Variants in ZBTB40 observed in about 807,000 individuals in gnomAD.
ZBTB40 encodes the protein zinc finger and BTB domain-containing protein 40.
Under a neutral mutation model 117.5 loss-of-function variants are expected in ZBTB40, and 60 were observed. That is an observed-to-expected ratio of 0.51 (90% confidence interval 0.41 to 0.63). The LOEUF (loss-of-function observed/expected upper bound fraction) is 0.63. Among genes scored for constraint, ZBTB40 ranks in the 30% least tolerant of loss-of-function variants. ZBTB40 has a pLI of 0.00. For missense variants in ZBTB40, 1,287 were observed against 1,498.5 expected (o/e 0.86, Z 2.33); for synonymous variants, 525 against 577.1 (o/e 0.91, Z 1.29).
chr1:22,526,880 G>C lies in ZBTB40; in HGVS notation c.*484G>C, dbSNP rs980640325. On this transcript the variant is annotated 3_prime_UTR_variant, in exon 18 of 18. Coordinates refer to ENST00000375647, the MANE Select transcript of ZBTB40 (RefSeq NM_014870.4). ...GAGGGGCACCAACAGACAATTCGGGGACCTTAGGCCCCTTCCTGAGGCACA... is the reference window on the plus strand; with the variant it reads ...GAGGGGCACCAACAGACAATTCGGGCACCTTAGGCCCCTTCCTGAGGCACA... The C allele has an allele frequency of 3.7e-6, 1 of 268,424 alleles. No homozygotes were observed. Among genetic ancestry groups the C allele is most frequent in the African/African-American group, 2.2e-5 (1 of 45,170 alleles). 16.6% of individuals were successfully genotyped at this position (268,424 alleles called of 1,614,324 possible).
chr1:22,491,235 G>T (rs1428448401), intron 2 of ZBTB40, among the ~76,000 whole-genome samples, 165 bp from the exon 3 acceptor site: 1 of 152,222 alleles, frequency 6.6e-6, no homozygotes, highest in Non-Finnish European at 1.5e-5. Context: ...CAGCACAAAG[G>T]AGGAAGCTGT....
At chr1:22,517,904 C>A (rs558222368) in intron 13 of ZBTB40, among the ~76,000 whole-genome samples, 117 of 152,344 alleles carry the variant, frequency 7.7e-4, no homozygotes, top group African/African-American at 2.7e-3. Flanking sequence ...AAAAACCTCC[C>A]GCCCAGCATT....
intron 1 of ZBTB40, among the ~76,000 whole-genome samples, chr1:22,445,558 G>C (rs1640777575): frequency 1.3e-5 from 2 of 152,034 alleles, no homozygotes; most frequent in Admixed American, 6.6e-5. Flanking sequence ...CATACCAAAA[G>C]GCAATAAACA....
intron 3 of ZBTB40, among the ~76,000 whole-genome samples, chr1:22,497,196 T>A (rs1557507321): frequency 6.6e-6 from 1 of 152,224 alleles, no homozygotes; most frequent in Admixed American, 6.5e-5. Flanking sequence ...TTTTCTACTA[T>A]TGATTTCTGT....
chr1:22,508,750 G>C lies in ZBTB40; in HGVS notation c.1699+19G>C, dbSNP rs1557515327. The C allele has an allele frequency of 6.2e-7, 1 of 1,609,124 alleles. No homozygotes were observed. The highest frequency in any genetic ancestry group is 1.1e-5 in the South Asian group (1 of 90,894). The stretch of plus-strand genomic sequence containing the variant: ...CGGGCAGGTAAGTTACCTGCCCTCT[G>C]GGGGGGTTTTGCCCCCACTAGAGAT... On this transcript the variant is annotated intron_variant, in intron 8 of 17. Transcript: ENST00000375647.
upstream of ZBTB40, among the ~76,000 whole-genome samples, chr1:22,450,898 C>G (rs1423222640): frequency 6.6e-6 from 1 of 152,010 alleles, no homozygotes; most frequent in Non-Finnish European, 1.5e-5. Context: ...GATTTGGGCA[C>G]GTAACTGTCA....
chr1:22,483,492 G>A (rs1638382874), intron 1 of ZBTB40, among the ~76,000 whole-genome samples: 1 of 152,168 alleles, frequency 6.6e-6, no homozygotes. Flanking sequence ...CATTCTGATA[G>A]GTGTGTGATG....
intron 1 of ZBTB40, among the ~76,000 whole-genome samples, chr1:22,438,779 G>C (rs1362599149): frequency 1.3e-5 from 2 of 152,160 alleles, no homozygotes; most frequent in Admixed American, 1.3e-4. Context: ...GATTATTAAT[G>C]TTGAGCATCT....
intron 1 of ZBTB40, among the ~76,000 whole-genome samples, chr1:22,469,106 G>A (rs765141209): frequency 2.6e-5 from 4 of 151,950 alleles, no homozygotes; most frequent in Non-Finnish European, 1.5e-5. Context: ...TGGGATTATA[G>A]GCATTGAGCC....
intron 9 of ZBTB40, among the ~76,000 whole-genome samples, chr1:22,510,698 T>G (rs1034925683): frequency 6.6e-6 from 1 of 152,216 alleles, no homozygotes; most frequent in South Asian, 2.1e-4. Context: ...AAATGACGTT[T>G]AAATGGGTAC....
chr1:22,510,429 A>G (rs753832051), intron 9 of ZBTB40, among the ~76,000 whole-genome samples: 1 of 152,208 alleles, frequency 6.6e-6, no homozygotes, highest in Non-Finnish European at 1.5e-5. Context: ...TAGCCTCACT[A>G]ATTAGTCTCA....
intron 1 of ZBTB40, among the ~76,000 whole-genome samples, chr1:22,458,221 C>A (rs971056832): frequency 6.6e-6 from 1 of 152,218 alleles, no homozygotes; most frequent in South Asian, 2.1e-4. Context: ...TACACTGTTA[C>A]CAGTGGTCTT....
At chr1:22,446,367 G>A (rs556414150) in intron 1 of ZBTB40, among the ~76,000 whole-genome samples, 19 of 152,068 alleles carry the variant, frequency 1.2e-4, no homozygotes, top group African/African-American at 4.6e-4. Context: ...AAGAATAACG[G>A]ATAATTTCCC....
intron 5 of ZBTB40, among the ~76,000 whole-genome samples, chr1:22,502,913 G>GA (rs1445681656): frequency 4.6e-5 from 7 of 152,080 alleles, no homozygotes; most frequent in Non-Finnish European, 8.8e-5. Flanking sequence ...CAATCAAAAA[G>GA]AAAAAATTCA....
chr1:22,447,613 T>C (rs542441338), upstream of ZBTB40, among the ~76,000 whole-genome samples: 2 of 152,302 alleles, frequency 1.3e-5, no homozygotes, highest in South Asian at 4.1e-4. Context: ...TCCTTCTAAA[T>C]GTGAGTGCCT....
At chr1:22,520,943 A>G (rs1377467190) in intron 14 of ZBTB40, among the ~76,000 whole-genome samples, 1 of 152,220 alleles carries the variant, frequency 6.6e-6, no homozygotes, top group Non-Finnish European at 1.5e-5. Context: ...GAGCCCTAGG[A>G]TGGCGTGGAA....
chr1:22,490,144 G>C lies in ZBTB40; in HGVS notation c.196G>C (p.Val66Leu). ...TACCATCTCCATCGATGCATCTGTGGTGAGCCCCGAGGAGTTTGCGCTCTT... is the reference window on the plus strand; with the variant it reads ...TACCATCTCCATCGATGCATCTGTGCTGAGCCCCGAGGAGTTTGCGCTCTT... ...TDTISIDASV[V>L]SPEEFALLLE... is the part of the protein sequence containing the mutation. The change falls in exon 2 of 18, where the codon GTG (valine) becomes CTG (leucine). Residue 66 changes from valine (V) to leucine (L), a missense_variant. Val to Leu is a conservative substitution (Grantham distance 32). This residue lies in a region of ZBTB40 where 870 missense variants were observed against 934.4 expected (regional missense o/e 0.93). Coordinates refer to ENST00000375647, the MANE Select transcript of ZBTB40 (RefSeq NM_014870.4). 6.2e-7 allele frequency: 1 copy of C among 1,614,134 alleles called. No homozygotes were observed. The highest frequency in any genetic ancestry group is 1.1e-5 in the South Asian group (1 of 91,078).
chr1:22,438,092 T>C (rs1640693297), intron 1 of ZBTB40, among the ~76,000 whole-genome samples: 1 of 152,076 alleles, frequency 6.6e-6, no homozygotes, highest in South Asian at 2.1e-4. Flanking sequence ...ATCGCACCAC[T>C]GTACTCCAGC....
intron 15 of ZBTB40, among the ~76,000 whole-genome samples, chr1:22,521,912 G>T (rs949232627): frequency 1.3e-5 from 2 of 152,158 alleles, no homozygotes; most frequent in Admixed American, 6.5e-5. Flanking sequence ...GGGGCACCTG[G>T]GAAGGGTGTC....
Sources: allele counts gnomAD v4.1 joint callset (sites outside exome capture counted in the v4.1 genomes callset), GRCh38; gene constraint gnomAD v4.1.1; regional missense constraint gnomAD v4.1.1; transcripts MANE v1.5; gene names NCBI Gene and HGNC (gene_info 2026-07-23, HGNC 2026-07-21).